Variants in KDM5B observed in about 807,000 individuals in gnomAD.
KDM5B encodes the protein lysine-specific demethylase 5B.
A neutral mutation model predicts 193.4 loss-of-function variants in KDM5B; 144 were observed. That is an observed-to-expected ratio of 0.74 (90% confidence interval 0.65 to 0.86). The LOEUF is 0.86. Ranked by LOEUF, KDM5B falls within the 40% of genes least tolerant of loss-of-function variation. The pLI, the probability that KDM5B is intolerant of heterozygous loss-of-function variation, is 0.00. For synonymous variants in KDM5B, 668 were observed against 682.6 expected (o/e 0.98, Z 0.33); for missense variants, 1,833 against 1,886.9 (o/e 0.97, Z 0.53).
In KDM5B at chr1:202,808,348, A is replaced by G. The variant is rs1658403545; in HGVS notation, c.-43T>C. The G allele has an allele frequency of 1.3e-6, 2 of 1,503,666 alleles. No individual in the cohort carries two copies. The highest frequency in any genetic ancestry group is 1.8e-6 in the Non-Finnish European group (2 of 1,128,926). 93.1% of individuals were successfully genotyped at this position (1,503,666 alleles called of 1,614,324 possible). On this transcript the variant is annotated 5_prime_UTR_variant, in exon 1 of 27. Transcript: ENST00000367265. The stretch of plus-strand genomic sequence containing the variant: ...GGGCGAGGCGAAGGTGGGCTCCGGG[A>G]CCGAGGCTGCGAGCTCCGCTCGGTC...
intron 24 of KDM5B, 40 bp from the exon 25 acceptor site, chr1:202,731,103 G>A: frequency 1.3e-6 from 2 of 1,526,704 alleles, no homozygotes; most frequent in Non-Finnish European, 1.8e-6. Flanking sequence ...TAACAACAAA[G>A]GGTGTTTCAC....
At chr1:202,795,650 C>CAA (rs544149895) in intron 1 of KDM5B, among the ~76,000 whole-genome samples, 3 of 124,932 alleles carry the variant, frequency 2.4e-5, no homozygotes, top group Non-Finnish European at 3.4e-5. Context: ...GACTCCATCT[C>CAA]AAAAAAAAAA....
intron 1 of KDM5B, chr1:202,796,222 GC>G: frequency 3.3e-6 from 1 of 305,946 alleles, no homozygotes. Context: ...ATGCCAAGCT[GC>G]CCTCCTCTCT....
intron 16 of KDM5B, among the ~76,000 whole-genome samples, chr1:202,744,373 C>T (rs952362052): frequency 3.9e-5 from 6 of 152,180 alleles, no homozygotes; most frequent in Non-Finnish European, 1.5e-5. Context: ...GCCTGACTAA[C>T]ATGGTGAAAT....
intron 1 of KDM5B, among the ~76,000 whole-genome samples, chr1:202,795,513 G>T (rs1441215528): frequency 6.6e-6 from 1 of 152,016 alleles, no homozygotes; most frequent in Admixed American, 6.6e-5. Context: ...TTAGTTGGGC[G>T]TGGTGGCACG....
rs1282710325 is a variant in KDM5B, at chr1:202,750,643, C to A, written c.1821+16G>T. The A allele has an allele frequency of 6.2e-7, 1 of 1,611,642 alleles. No individual in the cohort carries two copies. The highest frequency in any genetic ancestry group is 8.5e-7 in the Non-Finnish European group (1 of 1,178,790). On this transcript the variant is annotated intron_variant, in intron 13 of 26. Coordinates refer to ENST00000367265, the MANE Select transcript of KDM5B (RefSeq NM_006618.5). ...ACAATAAATTTGAAAAGGTTAACTACATTGTAATTACATACCCAATCAACA... is the reference window on the plus strand; with the variant it reads ...ACAATAAATTTGAAAAGGTTAACTAAATTGTAATTACATACCCAATCAACA...
Position 202,731,054 on chromosome 1 carries a change from G to T in KDM5B, c.4031C>A (p.Pro1344Gln). ...TTCCATCAATAGTTCATTCACTTCT[G>T]GACTAACACCTGTAAAAGACCAGAC... The part of the protein sequence containing the change: ...RSCIPLHGVS[P>Q]EVNELLMEAQ... The change falls in exon 25 of 27, where the codon CCA (proline) becomes CAA (glutamine). Residue 1344 changes from proline (P) to glutamine (Q), a missense_variant. Pro to Gln is a moderately conservative substitution (Grantham distance 76, BLOSUM62 -1). This residue lies in a region of KDM5B where 1,379 missense variants were observed against 1,349.6 expected (regional missense o/e 1.02). Coordinates refer to ENST00000367265, the MANE Select transcript of KDM5B (RefSeq NM_006618.5). 3 of 1,605,434 alleles carry T rather than the reference G, an allele frequency of 1.9e-6. No homozygotes were observed. The highest frequency in any genetic ancestry group is 2.6e-6 in the Non-Finnish European group (3 of 1,174,934).
intron 1 of KDM5B, among the ~76,000 whole-genome samples, chr1:202,803,099 T>C (rs1311115497): frequency 6.6e-6 from 1 of 151,926 alleles, no homozygotes; most frequent in Non-Finnish European, 1.5e-5. Flanking sequence ...AAGTGGAAGC[T>C]GCAGGGAGCC....
intron 1 of KDM5B, among the ~76,000 whole-genome samples, chr1:202,779,161 G>A (rs1052134285): frequency 6.6e-6 from 1 of 152,068 alleles, no homozygotes; most frequent in African/African-American, 2.4e-5. Context: ...TTCAGATTGT[G>A]TGAATATATT....
chr1:202,751,246 C>G (rs1655777191), intron 12 of KDM5B, among the ~76,000 whole-genome samples: 1 of 152,018 alleles, frequency 6.6e-6, no homozygotes, highest in Non-Finnish European at 1.5e-5. Flanking sequence ...CTATATTGCT[C>G]TAGGCACACA....
At chr1:202,768,641 C>T (rs952925272) in intron 4 of KDM5B, among the ~76,000 whole-genome samples, 8 of 151,816 alleles carry the variant, frequency 5.3e-5, no homozygotes, top group African/African-American at 7.3e-5. Flanking sequence ...CTGGTAATAG[C>T]GCTCTATAAA....
Position 202,746,134 on chromosome 1 carries a change from CT to C in KDM5B, c.2198+7del. On this transcript the variant is annotated splice_region_variant and intron_variant, in intron 15 of 26. Transcript: ENST00000367265. ...TCCATAGGAAAAAAAATCGTTCTTC[CT>C]ACTTACCGCAATTTATATTTGTAAG... 1 of 1,602,248 alleles carries C rather than the reference CT, an allele frequency of 6.2e-7. No individual in the cohort carries two copies. The highest frequency in any genetic ancestry group is 8.5e-7 in the Non-Finnish European group (1 of 1,174,374).
chr1:202,729,841 GCTCTCT>G lies in KDM5B; in HGVS notation c.4357_4362del (p.Glu1454_Arg1455del), dbSNP rs751975309. On this transcript the variant is annotated inframe_deletion, in exon 26 of 27. Coordinates refer to ENST00000367265, the MANE Select transcript of KDM5B (RefSeq NM_006618.5). ...GCAGAACGAACTAATTCATAGCTAC[GCTCTCT>G]CTCTAACTTGAAATTGTTCATGTCC... The G allele has an allele frequency of 1.2e-6, 2 of 1,614,092 alleles. No homozygotes were observed. Among genetic ancestry groups the G allele is most frequent in the Non-Finnish European group, 1.7e-6 (2 of 1,179,982 alleles).
chr1:202,742,612 T>A, intron 17 of KDM5B, 43 bp downstream of exon 17: 1 of 1,610,772 alleles, frequency 6.2e-7, no homozygotes, highest in East Asian at 2.2e-5. Flanking sequence ...TTTCCAAACA[T>A]AGGTGCCAAA....
At chr1:202,801,268 A>T (rs1572785926) in intron 1 of KDM5B, among the ~76,000 whole-genome samples, 1 of 17,326 alleles carries the variant, frequency 5.8e-5, no homozygotes, top group African/African-American at 8.3e-5. Context: ...TTAAATGCTT[A>T]AAAAAAAAAA....
At chr1:202,742,904 A>T (rs1284263323) in intron 16 of KDM5B, 99 bp from the exon 17 acceptor site, 6 of 965,002 alleles carry the variant, frequency 6.2e-6, no homozygotes, top group Non-Finnish European at 7.7e-6. Flanking sequence ...TCTTGTCTAG[A>T]AATGTAACTT....
chr1:202,786,663 A>G (rs1657426820), intron 1 of KDM5B, among the ~76,000 whole-genome samples: 1 of 152,204 alleles, frequency 6.6e-6, no homozygotes, highest in Non-Finnish European at 1.5e-5. Flanking sequence ...TCTTGACTGC[A>G]TGTTCTTTTA....
At chr1:202,739,456 C>CTTT (rs1346291303) in intron 20 of KDM5B, among the ~76,000 whole-genome samples, 5 of 150,032 alleles carry the variant, frequency 3.3e-5, no homozygotes, top group Middle Eastern at 3.2e-3. Flanking sequence ...TTTTTTTTGC[C>CTTT]TTTTTTATTT....
intron 1 of KDM5B, among the ~76,000 whole-genome samples, chr1:202,789,065 A>G (rs1206646836): frequency 6.6e-6 from 1 of 152,182 alleles, no homozygotes; most frequent in Non-Finnish European, 1.5e-5. Context: ...TTAAGGCCTC[A>G]TTAGATCTGC....
Sources: gnomAD v4.1 joint callset for allele counts (sites outside exome capture counted in the v4.1 genomes callset) on GRCh38, gnomAD v4.1.1 for gene constraint, gnomAD v4.1.1 regional missense constraint, MANE v1.5 for transcripts, NCBI Gene and HGNC (gene_info 2026-07-23, HGNC 2026-07-21) for gene names.